The following SDK1 variants were observed in gnomAD, a reference collection of about 807,000 sequenced individuals.
SDK1 encodes the protein protein sidekick-1.
A neutral mutation model predicts 245.5 loss-of-function variants in SDK1; 157 were observed. The ratio of observed to expected loss-of-function variants is 0.64; its 90% CI spans 0.56 to 0.73. SDK1 has a LOEUF of 0.73. Among genes scored for constraint, SDK1 ranks in the 30% least tolerant of loss-of-function variants. The pLI is 0.00. For missense variants in SDK1, 3,583 were observed against 3,002.3 expected (o/e 1.19, Z -4.52); for synonymous variants, 1,647 against 1,278.5 (o/e 1.29, Z -6.15).
At chr7:4,121,504 C>T (rs1285138516) in intron 25 of SDK1, among the ~76,000 whole-genome samples, 5 of 152,208 alleles carry the variant, frequency 3.3e-5, no homozygotes, top group Non-Finnish European at 5.9e-5. Context: ...TTCCTTGCTT[C>T]CCCTTCACCT....
At chr7:3,627,995 ATC>A (rs1315301652) in intron 2 of SDK1, among the ~76,000 whole-genome samples, 1 of 152,020 alleles carries the variant, frequency 6.6e-6, no homozygotes, top group East Asian at 1.9e-4. Context: ...TCTTTCTCAA[ATC>A]TCTCCCTATT....
chr7:3,663,661 C>A (rs181013135), intron 4 of SDK1, among the ~76,000 whole-genome samples: 5 of 152,120 alleles, frequency 3.3e-5, no homozygotes, highest in African/African-American at 4.8e-5. Context: ...CACTGAGAGT[C>A]CCCTCAGTCC....
At chr7:4,213,821 A>G (rs1365246378) in intron 38 of SDK1, among the ~76,000 whole-genome samples, 1 of 152,114 alleles carries the variant, frequency 6.6e-6, no homozygotes, top group African/African-American at 2.4e-5. Flanking sequence ...TGTTCGTTTC[A>G]TGACAGTTTT....
intron 17 of SDK1, among the ~76,000 whole-genome samples, chr7:4,032,169 T>C (rs1252072762): frequency 6.6e-6 from 1 of 152,128 alleles, no homozygotes; most frequent in Admixed American, 6.6e-5. Flanking sequence ...CTTAAGAGTG[T>C]TGATGGGAAA....
intron 5 of SDK1, among the ~76,000 whole-genome samples, chr7:3,878,889 C>G (rs999043336): frequency 2.0e-5 from 3 of 152,130 alleles, no homozygotes; most frequent in Admixed American, 6.5e-5. Context: ...CAAATCTCAA[C>G]TGAATGAACT....
chr7:4,187,651 A>G (rs1346141903), intron 35 of SDK1, among the ~76,000 whole-genome samples: 1 of 152,216 alleles, frequency 6.6e-6, no homozygotes, highest in East Asian at 1.9e-4. Flanking sequence ...TACAAGGTAA[A>G]CTGAGACACA....
Position 4,085,823 on chromosome 7 carries a change from G to A in SDK1, c.3324+6239G>A, listed in dbSNP as rs186908120. ...GCCCGCCTCAGCCTCCCAGAGTGCT[G>A]GGATTACAGGTGTGAGCCACTGCAC... On this transcript the variant is annotated intron_variant, in intron 22 of 44. Transcript: ENST00000404826. Among the ~76,000 whole-genome samples the A allele has an allele frequency of 4.2e-3, 646 of 152,260 alleles. 8 individuals are homozygous for A. The highest frequency in any genetic ancestry group is 0.015 in the African/African-American group (623 of 41,544).
intron 5 of SDK1, among the ~76,000 whole-genome samples, chr7:3,928,035 C>T (rs781684849): frequency 9.9e-5 from 15 of 152,138 alleles, no homozygotes; most frequent in African/African-American, 1.9e-4. Flanking sequence ...AGGAAATTGA[C>T]GACTTATCTT....
At chr7:3,578,518 C>T (rs181996457) in intron 1 of SDK1, among the ~76,000 whole-genome samples, 10 of 152,106 alleles carry the variant, frequency 6.6e-5, no homozygotes, top group Admixed American at 1.3e-4. Context: ...CAGGGTTTCC[C>T]AATCCTGGTA....
At chr7:3,668,821 T>A (rs1338529435) in intron 4 of SDK1, among the ~76,000 whole-genome samples, 1 of 152,140 alleles carries the variant, frequency 6.6e-6, no homozygotes, top group Admixed American at 6.5e-5. Flanking sequence ...CTATATTGCC[T>A]TTTATGATGA....
intron 1 of SDK1, among the ~76,000 whole-genome samples, chr7:3,391,566 A>G (rs973490942): frequency 1.3e-5 from 2 of 151,868 alleles, no homozygotes; most frequent in African/African-American, 2.4e-5. Flanking sequence ...ATTTAAAAGT[A>G]TATATATGTA....
chr7:3,858,709 G>A (rs991360122), intron 5 of SDK1, among the ~76,000 whole-genome samples: 5 of 151,430 alleles, frequency 3.3e-5, no homozygotes, highest in African/African-American at 1.2e-4. Flanking sequence ...AAAAAACGAA[G>A]GAAGAATTTC....
chr7:3,877,290 G>C (rs1781099269), intron 5 of SDK1, among the ~76,000 whole-genome samples: 1 of 152,164 alleles, frequency 6.6e-6, no homozygotes, highest in African/African-American at 2.4e-5. Context: ...CCACACTTGA[G>C]GCCAATAATC....
At chr7:4,100,522 C>A (rs1782463733) in intron 22 of SDK1, among the ~76,000 whole-genome samples, 2 of 151,988 alleles carry the variant, frequency 1.3e-5, no homozygotes, top group African/African-American at 4.8e-5. Context: ...GTCAGCAGGC[C>A]TTTAGGAGGG....
At chr7:4,001,621 C>T (rs1785079619) in intron 14 of SDK1, among the ~76,000 whole-genome samples, 1 of 152,202 alleles carries the variant, frequency 6.6e-6, no homozygotes, top group Non-Finnish European at 1.5e-5. Context: ...AAACTTGGTG[C>T]ATTTTAATCC....
intron 1 of SDK1, among the ~76,000 whole-genome samples, chr7:3,574,617 A>C (rs1192509471): frequency 6.6e-6 from 1 of 152,102 alleles, no homozygotes; most frequent in African/African-American, 2.4e-5. Flanking sequence ...TTGCAAAGCA[A>C]AACCTGTAAT....
chr7:3,762,203 T>C (rs1356855126), intron 4 of SDK1, among the ~76,000 whole-genome samples: 1 of 152,216 alleles, frequency 6.6e-6, no homozygotes, highest in Non-Finnish European at 1.5e-5. Context: ...CCGTGGTTTC[T>C]AGTTGAGGAA....
chr7:3,454,878 A>G (rs1176604861), intron 1 of SDK1, among the ~76,000 whole-genome samples: 2 of 152,244 alleles, frequency 1.3e-5, no homozygotes, highest in South Asian at 2.1e-4. Flanking sequence ...TTGTATAGTA[A>G]TTGTGTTCAG....
chr7:3,540,242 A>G (rs1446403719), intron 1 of SDK1, among the ~76,000 whole-genome samples: 1 of 152,224 alleles, frequency 6.6e-6, no homozygotes, highest in Non-Finnish European at 1.5e-5. Flanking sequence ...CCCCATCACT[A>G]CTAAAAATAC....
Sources: gnomAD v4.1 joint callset for allele counts (sites outside exome capture counted in the v4.1 genomes callset) on GRCh38, gnomAD v4.1.1 for gene constraint, MANE v1.5 for transcripts, NCBI Gene and HGNC (gene_info 2026-07-23, HGNC 2026-07-21) for gene names.